CCBE1: variants seen among roughly 807,000 people sequenced by gnomAD.
The protein encoded by CCBE1 is collagen and calcium binding EGF domains 1.
In CCBE1, 37 loss-of-function variants were observed where a neutral mutation model predicts 50.0. That is an observed-to-expected ratio of 0.74 (90% confidence interval 0.57 to 0.97). The LOEUF (loss-of-function observed/expected upper bound fraction) is 0.97. Among genes scored for constraint, CCBE1 ranks in the 50% least tolerant of loss-of-function variants. The pLI is 0.00. For missense variants in CCBE1, 538 were observed against 523.8 expected (o/e 1.03, Z -0.26); for synonymous variants, 234 against 203.7 (o/e 1.15, Z -1.27).
chr18:59,605,727 G>A (rs1443915261), intron 2 of CCBE1, among the ~76,000 whole-genome samples: 2 of 152,058 alleles, frequency 1.3e-5, no homozygotes, highest in East Asian at 1.9e-4. Context: ...ATTTCTTGGT[G>A]GATGATAAAA....
chr18:59,561,296 T>C (rs1447942027), intron 2 of CCBE1, among the ~76,000 whole-genome samples: 1 of 152,220 alleles, frequency 6.6e-6, no homozygotes, highest in African/African-American at 2.4e-5. Context: ...GTCAAGCCTA[T>C]GTGTATGTAT....
chr18:59,486,308 A>G (rs1912822533), intron 2 of CCBE1, among the ~76,000 whole-genome samples: 1 of 152,218 alleles, frequency 6.6e-6, no homozygotes, highest in African/African-American at 2.4e-5. Flanking sequence ...CTTTCATCTT[A>G]TGACTCATCT....
chr18:59,580,705 C>A (rs1383849668), intron 2 of CCBE1, among the ~76,000 whole-genome samples: 1 of 152,174 alleles, frequency 6.6e-6, no homozygotes, highest in African/African-American at 2.4e-5. Context: ...TGACCCAGTT[C>A]TTTTTTCCAT....
chr18:59,679,412 A>C (rs975325246), intron 2 of CCBE1, among the ~76,000 whole-genome samples: 2 of 152,346 alleles, frequency 1.3e-5, no homozygotes, highest in Admixed American at 6.5e-5. Context: ...TAACATATGA[A>C]CACCCTACAT....
intron 2 of CCBE1, among the ~76,000 whole-genome samples, chr18:59,510,918 T>TTTA (rs1334063985): frequency 6.6e-6 from 1 of 152,232 alleles, no homozygotes. Flanking sequence ...GCTCCTGAGC[T>TTTA]TTATCACAAA....
At chr18:59,633,699 A>G (rs1327524867) in intron 2 of CCBE1, among the ~76,000 whole-genome samples, 23 of 152,214 alleles carry the variant, frequency 1.5e-4, no homozygotes, top group African/African-American at 5.3e-4. Flanking sequence ...ATCCATTCAA[A>G]GACAGGCTGC....
At chr18:59,684,309 C>T (rs933671401) in intron 2 of CCBE1, among the ~76,000 whole-genome samples, 5 of 152,142 alleles carry the variant, frequency 3.3e-5, no homozygotes, top group Admixed American at 6.5e-5. Context: ...ATTGGCCTGG[C>T]GTGGTGGCAA....
intron 7 of CCBE1, among the ~76,000 whole-genome samples, chr18:59,444,250 A>T (rs1266831960): frequency 6.6e-6 from 1 of 152,082 alleles, no homozygotes; most frequent in African/African-American, 2.4e-5. Flanking sequence ...TCTCTTCAAG[A>T]TCCTGCTTTT....
chr18:59,585,107 C>T (rs933664485), intron 2 of CCBE1, among the ~76,000 whole-genome samples: 4 of 152,220 alleles, frequency 2.6e-5, no homozygotes, highest in Middle Eastern at 3.4e-3. Context: ...TTAGTTTCTG[C>T]AGCAGCCCGC....
At chr18:59,651,824 G>A (rs1486350053) in intron 2 of CCBE1, among the ~76,000 whole-genome samples, 1 of 152,218 alleles carries the variant, frequency 6.6e-6, no homozygotes, top group African/African-American at 2.4e-5. Flanking sequence ...TGCTTTTTGT[G>A]AAAGTGTATG....
chr18:59,589,816 G>GA (rs10715103), intron 2 of CCBE1, among the ~76,000 whole-genome samples: 11 of 133,126 alleles, frequency 8.3e-5, no homozygotes, highest in Middle Eastern at 4.1e-3. Flanking sequence ...AAAAAAGAAA[G>GA]AAAAAAAAAA....
chr18:59,620,841 CT>C (rs1260871761), intron 2 of CCBE1, among the ~76,000 whole-genome samples: 3 of 152,162 alleles, frequency 2.0e-5, no homozygotes, highest in African/African-American at 7.2e-5. Flanking sequence ...TCAGGTATGT[CT>C]TTATCAGCAA....
intron 2 of CCBE1, among the ~76,000 whole-genome samples, chr18:59,687,729 C>T (rs76455972): frequency 1.6e-4 from 24 of 152,242 alleles, no homozygotes; most frequent in Middle Eastern, 3.4e-3. Flanking sequence ...TTTGGGAGGC[C>T]GAGATGGGTG....
At chr18:59,607,644 C>T (rs184217169) in intron 2 of CCBE1, among the ~76,000 whole-genome samples, 38 of 152,326 alleles carry the variant, frequency 2.5e-4, no homozygotes, top group African/African-American at 6.3e-4. Flanking sequence ...TAGGGCACCT[C>T]GCTGAGCTTG....
intron 2 of CCBE1, among the ~76,000 whole-genome samples, chr18:59,504,933 G>T (rs1186579452): frequency 6.6e-6 from 1 of 152,178 alleles, no homozygotes; most frequent in East Asian, 1.9e-4. Flanking sequence ...AGAGGACACT[G>T]CCATGGGAGG....
chr18:59,689,411 G>T (rs775594686), intron 2 of CCBE1, among the ~76,000 whole-genome samples: 1 of 152,170 alleles, frequency 6.6e-6, no homozygotes, highest in African/African-American at 2.4e-5. Flanking sequence ...AACCAATAAG[G>T]TGGCAACATA....
intron 2 of CCBE1, among the ~76,000 whole-genome samples, chr18:59,552,369 C>A (rs1258622017): frequency 6.6e-6 from 1 of 152,158 alleles, no homozygotes; most frequent in Non-Finnish European, 1.5e-5. Context: ...TAGAGTGTTT[C>A]GTCAGAGGGT....
At chr18:59,543,840 A>AAAAAAAAAAAAAAAC in intron 2 of CCBE1, among the ~76,000 whole-genome samples, 1 of 145,062 alleles carries the variant, frequency 6.9e-6, no homozygotes, top group African/African-American at 2.6e-5. Context: ...GTCTCAAAAA[A>AAAAAAAAAAAAAAAC]AAAAAAAAAA....
chr18:59,668,450 TAC>T (rs1568264134), intron 2 of CCBE1, among the ~76,000 whole-genome samples: 2 of 143,150 alleles, frequency 1.4e-5, no homozygotes, highest in Non-Finnish European at 2.9e-5. Context: ...AATTAGGTGT[TAC>T]ATATATACAT....
Sources: gnomAD v4.1 joint callset for allele counts (sites outside exome capture counted in the v4.1 genomes callset) on GRCh38, gnomAD v4.1.1 for gene constraint, MANE v1.5 for transcripts, NCBI Gene and HGNC (gene_info 2026-07-23, HGNC 2026-07-21) for gene names.